The following CDK12 variants were observed in gnomAD, a reference collection of about 807,000 sequenced individuals.
The protein encoded by CDK12 is cyclin dependent kinase 12, also known as cyclin-dependent kinase 12.
A neutral mutation model predicts 133.8 loss-of-function variants in CDK12; 17 were observed. The ratio of observed to expected loss-of-function variants is 0.13; its 90% CI spans 0.09 to 0.19. The LOEUF is 0.19. CDK12 is among the 10% of genes least tolerant of loss of function. The pLI is 1.00. For missense variants in CDK12, 1,508 were observed against 1,818.7 expected, an observed-to-expected ratio of 0.83 and a Z score of 3.11; for synonymous variants, 694 against 683.6, an observed-to-expected ratio of 1.02 and a Z score of -0.24.
At chr17:39,538,250 T>A (rs1244209187), downstream of CDK12, among the ~76,000 whole-genome samples, 1 of 152,250 alleles carries the variant, frequency 6.6e-6, no homozygotes, top group Non-Finnish European at 1.5e-5. Flanking sequence ...ATTTCAAAAC[T>A]CCTGCAAGTG....
At chr17:39,484,978 G>A (rs926424840) in intron 2 of CDK12, among the ~76,000 whole-genome samples, 4 of 152,006 alleles carry the variant, frequency 2.6e-5, no homozygotes, top group Non-Finnish European at 5.9e-5. Context: ...AGACCATCCT[G>A]GCTAACATGG....
At chr17:39,556,557 G>A (rs900082679) in intron 3 of CDK12, 2 of 152,286 alleles carry the variant, frequency 1.3e-5, no homozygotes, top group Non-Finnish European at 2.9e-5. Flanking sequence ...GATGCAGAGA[G>A]AGTAAGTGTA....
chr17:39,511,502 A>G, intron 7 of CDK12, 27 bp from the exon 8 acceptor site: 1 of 1,412,080 alleles, frequency 7.1e-7, no homozygotes, highest in Non-Finnish European at 1.0e-6. Context: ...CTGTAAGTTT[A>G]TGTCATGGTT....
At chr17:39,466,000 C>T (rs1231106134) in intron 1 of CDK12, among the ~76,000 whole-genome samples, 2 of 152,036 alleles carry the variant, frequency 1.3e-5, no homozygotes, top group African/African-American at 4.8e-5. Flanking sequence ...CAGCATATCT[C>T]ATGTTCTCTT....
At position 39,513,594 on chromosome 17, in the gene CDK12, C is replaced by G. The variant is rs1466179932; in HGVS notation, c.2768+1964C>G. Among the ~76,000 whole-genome samples the G allele has an allele frequency of 2.0e-5, 3 of 152,206 alleles. No individual in the cohort carries two copies. In the East Asian group the frequency reaches 5.8e-4, roughly 29 times the overall value. ...ATAGCTCTGTTCGGTACTATTATTTCAGTCTGTGCAGCCTGCCACCTCAGA... is the reference window on the plus strand; with the variant it reads ...ATAGCTCTGTTCGGTACTATTATTTGAGTCTGTGCAGCCTGCCACCTCAGA... On this transcript the variant is annotated intron_variant, in intron 8 of 13. Transcript: ENST00000447079.
At position 39,532,934 on chromosome 17, in the gene CDK12, G is replaced by A. The variant is rs988196125; in HGVS notation, c.*1618G>A. On this transcript the variant is annotated 3_prime_UTR_variant, in exon 14 of 14. Transcript: ENST00000447079. ...AGACTTAGACCTTCAGGAAACATAGGTTAAGCCCCCTTTTACAAAGAAAAA... is the reference window on the plus strand; with the variant it reads ...AGACTTAGACCTTCAGGAAACATAGATTAAGCCCCCTTTTACAAAGAAAAA... The A allele has an allele frequency of 4.3e-6, 1 of 232,908 alleles. No homozygotes were observed. Among genetic ancestry groups the A allele is most frequent in the Non-Finnish European group, 8.5e-6 (1 of 117,828 alleles). 14.4% of individuals were successfully genotyped at this position (232,908 alleles called of 1,614,324 possible). A position where few individuals can be genotyped will look rare whatever the true frequency, so the allele number is the denominator to read the frequency against.
intron 2 of CDK12, among the ~76,000 whole-genome samples, chr17:39,483,689 A>AATTTATTT (rs71353589): frequency 3.2e-3 from 470 of 148,938 alleles, no homozygotes; most frequent in African/African-American, 5.2e-3. Flanking sequence ...AAACAGTTAC[A>AATTTATTT]ATTTATTTAT....
At chr17:39,498,631 A>C (rs1012141185) in intron 5 of CDK12, among the ~76,000 whole-genome samples, 2 of 151,744 alleles carry the variant, frequency 1.3e-5, no homozygotes, top group Non-Finnish European at 2.9e-5. Context: ...CTGGGCTCAA[A>C]TGATTCTCTT....
chr17:39,468,177 G>C (rs539051319), intron 1 of CDK12, among the ~76,000 whole-genome samples: 23 of 152,142 alleles, frequency 1.5e-4, no homozygotes, highest in Admixed American at 9.2e-4. Context: ...TTACAGGCGT[G>C]AGCCACCGCG....
At position 39,530,709 on chromosome 17, in the gene CDK12, C is replaced by G. The variant is rs371267574; in HGVS notation, c.3866C>G (p.Ala1289Gly). 1 of 1,613,762 alleles carries G rather than the reference C, an allele frequency of 6.2e-7. No individual in the cohort carries two copies. The highest frequency in any genetic ancestry group is 8.5e-7 in the Non-Finnish European group (1 of 1,179,938). ...PPLVEGDLSSAPQELNPAVTA... is the reference protein window; with the variant it reads ...PPLVEGDLSSGPQELNPAVTA... ...CTGGTTGAAGGCGATCTTTCCAGCG[C>G]CCCCCAGGAGTTGAACCCAGCCGTG... is the stretch of plus-strand genomic sequence containing the variant. The change falls in exon 14 of 14, where the codon GCC (alanine) becomes GGC (glycine). Residue 1289 changes from alanine (A) to glycine (G), a missense_variant. By Grantham distance (60) the Ala-to-Gly change is moderately conservative. Around this residue, in one of 9 missense-constraint regions of CDK12, gnomAD observed 399 missense variants for 469.6 expected, o/e 0.85. Transcript: ENST00000447079.
intron 1 of CDK12, among the ~76,000 whole-genome samples, chr17:39,469,352 T>G (rs1227701446): frequency 1.3e-5 from 2 of 152,216 alleles, no homozygotes; most frequent in East Asian, 3.8e-4. Context: ...AATAAAGATA[T>G]TAGGAGCCCT....
rs367627252 is a variant in CDK12 at position 39,462,719 on chromosome 17, A to G, written c.648A>G (p.Pro216=). 34 of 1,614,120 alleles carry G rather than the reference A, an allele frequency of 2.1e-5. 2 individuals carry two copies. The South Asian group carries it at 3.4e-4, about 16-fold the overall frequency. Reference sequence around the variant, plus strand: ...AAAGTTACAAAACAGTGGACAGCCCAAAACGGAGATCCAGGAGCCCCCACA... The same window carrying G: ...AAAGTTACAAAACAGTGGACAGCCCGAAACGGAGATCCAGGAGCCCCCACA... The part of the protein sequence containing the change: ...TPKSYKTVDS[P]KRRSRSPHRK... Residue 216 remains proline (P), a synonymous_variant, in exon 1 of 14, where the codon CCA becomes CCG. Coordinates refer to ENST00000447079, the MANE Select transcript of CDK12 (RefSeq NM_016507.4).
In CDK12 at chr17:39,462,209, GTCCAAACAC is replaced by G. The variant is rs751800128; in HGVS notation, c.145_153del (p.His49_Lys51del). On this transcript the variant is annotated inframe_deletion, in exon 1 of 14. Transcript: ENST00000447079. ...TGGTATCGAAGCACAAGCGGCATAAGTCCAAACACTCCAAAGACATGGGGTTGGTGACCC... is the reference window on the plus strand; with the variant it reads ...TGGTATCGAAGCACAAGCGGCATAAGTCCAAAGACATGGGGTTGGTGACCC... The G allele has an allele frequency of 6.2e-7, 1 of 1,614,084 alleles. No homozygotes were observed. Among genetic ancestry groups the G allele is most frequent in the African/African-American group, 1.3e-5 (1 of 74,926 alleles).
chr17:39,463,259 G>T, intron 1 of CDK12, 142 bp downstream of exon 1: 1 of 746,196 alleles, frequency 1.3e-6, no homozygotes, highest in Non-Finnish European at 2.2e-6. Flanking sequence ...TCCAGTGTGT[G>T]AATCTGTCTC....
chr17:39,558,316 G>T (rs2056239545), intron 3 of CDK12, among the ~76,000 whole-genome samples: 1 of 152,224 alleles, frequency 6.6e-6, no homozygotes, highest in African/African-American at 2.4e-5. Flanking sequence ...GCTTCATCCA[G>T]GATGGAGGGG....
intron 3 of CDK12, among the ~76,000 whole-genome samples, chr17:39,491,481 C>T (rs887036189): frequency 1.3e-5 from 2 of 152,076 alleles, no homozygotes; most frequent in African/African-American, 4.8e-5. Flanking sequence ...AGGTAATCCA[C>T]CGCCTTGGCC....
Position 39,491,417 on chromosome 17 carries a change from A to G in CDK12, c.2108+684A>G, listed in dbSNP as rs199632967. ...ACGCCAGGCTAATTTTTGTATTTTT[A>G]GTAGAGATGGGGTTTCACCATGTTG... On this transcript the variant is annotated intron_variant, in intron 3 of 13. Transcript: ENST00000447079. Among the ~76,000 whole-genome samples, 2 of 151,912 alleles carry G rather than the reference A, an allele frequency of 1.3e-5. 1 individual carries two copies. The highest frequency in any genetic ancestry group is 4.8e-5 in the African/African-American group (2 of 41,388).
Position 39,503,784 on chromosome 17 carries a change from T to TG in CDK12, c.2609+2347dup, listed in dbSNP as rs563229887. ...ACTCAGACCTGTGGGTGAGATGGCCTGGAGAAAATGGTGAAGGGTCGTCAG... is the reference window on the plus strand; with the variant it reads ...ACTCAGACCTGTGGGTGAGATGGCCTGGGAGAAAATGGTGAAGGGTCGTCAG... On this transcript the variant is annotated intron_variant, in intron 6 of 13. Transcript: ENST00000447079. Among the ~76,000 whole-genome samples the TG allele has an allele frequency of 6.0e-3, 906 of 152,230 alleles. 4 individuals are homozygous for TG. The highest frequency in any genetic ancestry group is 9.8e-3 in the Non-Finnish European group (664 of 68,018).
Position 39,526,070 on chromosome 17 carries a change from A to G in CDK12, c.3514A>G (p.Thr1172Ala). The change falls in exon 13 of 14, where the codon ACC (threonine) becomes GCC (alanine). Residue 1172 changes from threonine (T) to alanine (A), a missense_variant. Thr to Ala is a moderately conservative substitution (Grantham distance 58). Around this residue, in one of 9 missense-constraint regions of CDK12, gnomAD observed 399 missense variants for 469.6 expected, o/e 0.85. Coordinates refer to ENST00000447079, the MANE Select transcript of CDK12 (RefSeq NM_016507.4). Reference protein sequence around the residue: ...EATSQQQDSETMAPEESLKEA... With the variant: ...EATSQQQDSEAMAPEESLKEA... Reference sequence around the variant, plus strand: ...TACTTCCCAGCAGCAGGACTCAGAGACCATGGCCCCAGAGGAGTCTTTGAA... The same window carrying G: ...TACTTCCCAGCAGCAGGACTCAGAGGCCATGGCCCCAGAGGAGTCTTTGAA... 3 of 1,614,228 alleles carry G rather than the reference A, an allele frequency of 1.9e-6. No homozygotes were observed. The highest frequency in any genetic ancestry group is 1.6e-4 in the Middle Eastern group (1 of 6,062).
Sources: gnomAD v4.1 joint callset for allele counts (sites outside exome capture counted in the v4.1 genomes callset) on GRCh38, gnomAD v4.1.1 for gene constraint, gnomAD v4.1.1 regional missense constraint, MANE v1.5 for transcripts, NCBI Gene and HGNC (gene_info 2026-07-23, HGNC 2026-07-21) for gene names.